SENP5: variants seen among roughly 807,000 people sequenced by gnomAD.
SENP5 encodes the protein SUMO specific peptidase 5.
SENP5 carries 21 observed loss-of-function variants against 74.2 expected under a neutral mutation model. The ratio of observed to expected loss-of-function variants is 0.28; its 90% confidence interval spans 0.20 to 0.41. The LOEUF (loss-of-function observed/expected upper bound fraction) is 0.41. Among genes scored for constraint, SENP5 ranks in the 10% least tolerant of loss-of-function variants. The pLI is 1.00. For synonymous variants in SENP5, 311 were observed against 312.7 expected, an observed-to-expected ratio of 0.99 and a Z score of 0.06; for missense variants, 717 against 889.1, an observed-to-expected ratio of 0.81 and a Z score of 2.46.
At chr3:196,877,770 C>G (rs1291571095) in intron 1 of SENP5, among the ~76,000 whole-genome samples, 1 of 152,198 alleles carries the variant, frequency 6.6e-6, no homozygotes, top group Non-Finnish European at 1.5e-5. Context: ...GAGTTCTCTA[C>G]AGAATCCCAG....
intron 7 of SENP5, among the ~76,000 whole-genome samples, chr3:196,927,503 G>A (rs1369672069): frequency 6.6e-6 from 1 of 152,138 alleles, no homozygotes; most frequent in Non-Finnish European, 1.5e-5. Context: ...GGGAGCGGTG[G>A]TGTACACCTA....
chr3:196,900,160 A>G, intron 4 of SENP5, 98 bp downstream of exon 4: 2 of 1,463,090 alleles, frequency 1.4e-6, no homozygotes, highest in Non-Finnish European at 1.8e-6. Flanking sequence ...CTTTTGGAAT[A>G]AGGATTCTTC....
At chr3:196,870,201 C>T (rs76396879) in intron 1 of SENP5, among the ~76,000 whole-genome samples, 7 of 152,266 alleles carry the variant, frequency 4.6e-5, no homozygotes, top group Admixed American at 1.3e-4. Flanking sequence ...ATTTGGTAGA[C>T]GCTCAGAAAG....
At chr3:196,900,251 G>T in intron 4 of SENP5, 114 bp from the exon 5 acceptor site, 2 of 1,114,120 alleles carry the variant, frequency 1.8e-6, no homozygotes, top group Non-Finnish European at 2.5e-6. Flanking sequence ...ATTCTGATTG[G>T]GATGTACTGA....
At chr3:196,893,855 A>C (rs889192860) in intron 2 of SENP5, among the ~76,000 whole-genome samples, 1 of 150,276 alleles carries the variant, frequency 6.7e-6, no homozygotes, top group African/African-American at 2.4e-5. Context: ...GGTTGCAGTG[A>C]GTTGAGATCG....
In SENP5 at chr3:196,868,402, C is replaced by A. The variant is rs537289064; in HGVS notation, c.-32+329C>A. 4.6e-5 allele frequency among the ~76,000 whole-genome samples: 7 copies of A among 152,356 alleles called. No homozygotes were observed. The South Asian group carries it at 1.4e-3, about 32-fold the overall frequency. On this transcript the variant is annotated intron_variant, in intron 1 of 9. Coordinates refer to ENST00000323460, the MANE Select transcript of SENP5 (RefSeq NM_152699.5). ...GAGCCGCTGTCACAGGCCTCCAGCTCCGGCCGCCGTGGAAGTCCGGGGTTT... is the reference window on the plus strand; with the variant it reads ...GAGCCGCTGTCACAGGCCTCCAGCTACGGCCGCCGTGGAAGTCCGGGGTTT...
chr3:196,895,311 G>A (rs1052957788), intron 2 of SENP5, among the ~76,000 whole-genome samples: 1 of 149,084 alleles, frequency 6.7e-6, no homozygotes, highest in Non-Finnish European at 1.5e-5. Flanking sequence ...CCTGCCTCCC[G>A]AGTAGCTGGG....
intron 1 of SENP5, among the ~76,000 whole-genome samples, chr3:196,873,850 A>C (rs947033525): frequency 6.6e-6 from 1 of 152,052 alleles, no homozygotes; most frequent in Non-Finnish European, 1.5e-5. Flanking sequence ...AAAACAAAAC[A>C]AAACAAAAAA....
intron 3 of SENP5, 69 bp from the exon 4 acceptor site, chr3:196,899,855 A>G (rs1372183715): frequency 9.5e-6 from 15 of 1,579,052 alleles, no homozygotes; most frequent in Non-Finnish European, 1.2e-5. Flanking sequence ...AGAAGAAAAG[A>G]TATTTAGCAG....
intron 1 of SENP5, among the ~76,000 whole-genome samples, chr3:196,882,517 T>A (rs1242202493): frequency 1.3e-5 from 2 of 152,186 alleles, no homozygotes; most frequent in African/African-American, 4.8e-5. Context: ...TTATTTTATT[T>A]TTTTGAGACA....
Position 196,889,755 on chromosome 3 carries a change from A to C in SENP5, c.1513+3061A>C, listed in dbSNP as rs373036212. ...CAGTTTTGGTAGATCAGAAACTGAGAATCAGCTCCCACTGGGCAAAAAGTA... is the reference window on the plus strand; with the variant it reads ...CAGTTTTGGTAGATCAGAAACTGAGCATCAGCTCCCACTGGGCAAAAAGTA... On this transcript the variant is annotated intron_variant, in intron 2 of 9. Coordinates refer to ENST00000323460, the MANE Select transcript of SENP5 (RefSeq NM_152699.5). Among the ~76,000 whole-genome samples, 9 of 152,338 alleles carry C rather than the reference A, an allele frequency of 5.9e-5. No individual in the cohort carries two copies. In the East Asian group the frequency reaches 1.3e-3, roughly 23 times the overall value.
At chr3:196,876,089 G>A (rs1157309572) in intron 1 of SENP5, among the ~76,000 whole-genome samples, 1 of 152,124 alleles carries the variant, frequency 6.6e-6, no homozygotes, top group East Asian at 1.9e-4. Context: ...TAAGAAGTTT[G>A]TTTATATAGA....
chr3:196,930,181 T>C (rs189305979), intron 9 of SENP5, among the ~76,000 whole-genome samples: 34 of 152,294 alleles, frequency 2.2e-4, no homozygotes, highest in Non-Finnish European at 3.5e-4. Context: ...TGCATGAATT[T>C]AGAGATTTGC....
intron 7 of SENP5, among the ~76,000 whole-genome samples, chr3:196,926,188 A>G (rs1156870681): frequency 6.6e-6 from 1 of 152,182 alleles, no homozygotes; most frequent in Non-Finnish European, 1.5e-5. Flanking sequence ...TTTACTTAAG[A>G]ATGTACATAT....
chr3:196,869,256 A>G (rs1405871146), intron 1 of SENP5, among the ~76,000 whole-genome samples: 3 of 151,892 alleles, frequency 2.0e-5, no homozygotes, highest in Admixed American at 6.6e-5. Context: ...CCTGGAGTGC[A>G]GTGGCGCGAT....
intron 6 of SENP5, among the ~76,000 whole-genome samples, chr3:196,910,952 G>T (rs1043600994): frequency 1.3e-5 from 2 of 151,964 alleles, no homozygotes; most frequent in Admixed American, 6.6e-5. Context: ...TGACAAACCC[G>T]ACAAAAGCAA....
intron 1 of SENP5, among the ~76,000 whole-genome samples, chr3:196,868,584 C>G (rs1205380249): frequency 6.6e-6 from 1 of 152,194 alleles, no homozygotes; most frequent in East Asian, 1.9e-4. Flanking sequence ...GCTCTACGCC[C>G]TGTGGCCACT....
intron 1 of SENP5, among the ~76,000 whole-genome samples, chr3:196,871,869 A>AG (rs1713232699): frequency 6.6e-6 from 1 of 152,134 alleles, no homozygotes; most frequent in Non-Finnish European, 1.5e-5. Flanking sequence ...AAAAAAAAAA[A>AG]AAATACAGTC....
Position 196,933,499 on chromosome 3 carries a change from A to G in SENP5, c.*2576A>G, listed in dbSNP as rs1716125607. On this transcript the variant is annotated 3_prime_UTR_variant, in exon 10 of 10. Coordinates refer to ENST00000323460, the MANE Select transcript of SENP5 (RefSeq NM_152699.5). ...AATTGCTTCCTTGGTTAATAAAGAT[A>G]TTTTTGAAATATACTCTGGACTGTT... 6.6e-6 allele frequency: 1 copy of G among 152,052 alleles called. No homozygotes were observed. Among genetic ancestry groups the G allele is most frequent in the South Asian group, 2.1e-4 (1 of 4,824 alleles). 9.4% of individuals were successfully genotyped at this position (152,052 alleles called of 1,614,324 possible).
Sources: gnomAD v4.1 joint callset for allele counts (sites outside exome capture counted in the v4.1 genomes callset) on GRCh38, gnomAD v4.1.1 for gene constraint, MANE v1.5 for transcripts, NCBI Gene and HGNC (gene_info 2026-07-23, HGNC 2026-07-21) for gene names.